ITIH2: variants seen among roughly 807,000 people sequenced by gnomAD.
The protein encoded by ITIH2 is inter-alpha-trypsin inhibitor heavy chain H2.
ITIH2 carries 103 observed loss-of-function variants against 104.4 expected under a neutral mutation model. The ratio of observed to expected loss-of-function variants is 0.99; its 90% CI spans 0.84 to 1.16. The LOEUF (loss-of-function observed/expected upper bound fraction) is 1.16. ITIH2 is among the 50% of genes most tolerant of loss of function. The pLI is 0.00. For synonymous variants in ITIH2, 436 were observed against 435.4 expected, an observed-to-expected ratio of 1.00 and a Z score of -0.02; for missense variants, 1,108 against 1,162.4, an observed-to-expected ratio of 0.95 and a Z score of 0.68.
chr10:7,721,721 G>A lies in ITIH2; in HGVS notation c.811G>A (p.Gly271Arg), dbSNP rs1834905349. 2 of 1,614,002 alleles carry A rather than the reference G, an allele frequency of 1.2e-6. No homozygotes were observed. Among genetic ancestry groups the A allele is most frequent in the African/African-American group, 2.7e-5 (2 of 75,038 alleles). Residue 271 changes from glycine to arginine, a missense_variant, in exon 8 of 21, where the codon GGG becomes AGG. By Grantham distance (125) the Gly-to-Arg change is moderately radical. Coordinates refer to ENST00000358415, the MANE Select transcript of ITIH2 (RefSeq NM_002216.3). The stretch of plus-strand genomic sequence containing the variant: ...TAACTGCCGGGAGACTGCGGTAGAT[G>A]GGGAACTGGTGGTGCTGTATGACGT... ...CPNCRETAVD[G>R]ELVVLYDVKR... is the part of the protein sequence containing the mutation.
At chr10:7,705,002 A>C in intron 1 of ITIH2, 106 bp from the exon 2 acceptor site, 1 of 683,288 alleles carries the variant, frequency 1.5e-6, no homozygotes, top group Admixed American at 2.6e-5. Context: ...GCAAACCAAC[A>C]TGGCACATGT....
chr10:7,725,408 A>G (rs1449896788), intron 9 of ITIH2, among the ~76,000 whole-genome samples: 1 of 152,220 alleles, frequency 6.6e-6, no homozygotes, highest in East Asian at 1.9e-4. Context: ...GAGAGATGCC[A>G]GTAGAGAGGG....
chr10:7,724,881 G>A (rs144310465), intron 9 of ITIH2, among the ~76,000 whole-genome samples: 1 of 152,224 alleles, frequency 6.6e-6, no homozygotes, highest in East Asian at 1.9e-4. Context: ...ATTGCCTCTG[G>A]TTGAGAAACA....
chr10:7,717,483 C>T (rs1212825226), intron 5 of ITIH2, 143 bp from the exon 6 acceptor site: 1 of 676,056 alleles, frequency 1.5e-6, no homozygotes, highest in Non-Finnish European at 2.6e-6. Context: ...CTGCACTTAT[C>T]TCTAGTGTAC....
Position 7,730,099 on chromosome 10 carries a change from T to G in ITIH2, c.1427T>G (p.Ile476Ser), listed in dbSNP as rs770195305. Reference protein sequence around the residue: ...SNENHGIAQRIYGNQDTSSQL... With the variant: ...SNENHGIAQRSYGNQDTSSQL... Reference sequence around the variant, plus strand: ...GAAAACCATGGAATTGCACAAAGGATTTATGGAAACCAGGACACGTCTTCC... The same window carrying G: ...GAAAACCATGGAATTGCACAAAGGAGTTATGGAAACCAGGACACGTCTTCC... Residue 476 changes from isoleucine to serine, a missense_variant, in exon 12 of 21, where the codon ATT becomes AGT. Ile to Ser is a moderately radical substitution (Grantham distance 142). Coordinates refer to ENST00000358415, the MANE Select transcript of ITIH2 (RefSeq NM_002216.3). 1.2e-6 allele frequency: 2 copies of G among 1,608,416 alleles called. No homozygotes were observed. Among genetic ancestry groups the G allele is most frequent in the South Asian group, 1.1e-5 (1 of 89,202 alleles).
chr10:7,745,044 G>C (rs1387273981), intron 19 of ITIH2, 81 bp downstream of exon 19: 2 of 1,275,304 alleles, frequency 1.6e-6, no homozygotes, highest in Non-Finnish European at 1.1e-6. Context: ...GTTACAAGTT[G>C]AGGACATGGC....
chr10:7,740,308 G>A (rs952341229), intron 16 of ITIH2, among the ~76,000 whole-genome samples: 1 of 152,156 alleles, frequency 6.6e-6, no homozygotes, highest in East Asian at 1.9e-4. Flanking sequence ...CTCCATTGCT[G>A]GTAGCACTTT....
chr10:7,740,446 C>T (rs1005952420), intron 16 of ITIH2, among the ~76,000 whole-genome samples: 11 of 152,174 alleles, frequency 7.2e-5, no homozygotes, highest in Admixed American at 3.3e-4. Flanking sequence ...GTTGATCATG[C>T]TGGAGGAGCA....
rs1268479485 is a variant in ITIH2, at chr10:7,737,455, A to G, written c.1958-1166A>G. Among the ~76,000 whole-genome samples the G allele has an allele frequency of 3.6e-5, 5 of 138,448 alleles. No individual in the cohort carries two copies. The Admixed American group carries it at 3.8e-4, about 11-fold the overall frequency. 90.8% of individuals were successfully genotyped at this position (138,448 alleles called of 152,430 possible). On this transcript the variant is annotated intron_variant, in intron 15 of 20. Coordinates refer to ENST00000358415, the MANE Select transcript of ITIH2 (RefSeq NM_002216.3). ...CGTGTATATATATATATAACAGATA[A>G]CGTATAATTATAATTATATTATCTG...
In ITIH2 at chr10:7,723,539, G is replaced by A. The variant is rs748567974; in HGVS notation, c.956G>A (p.Gly319Asp). 3.1e-6 allele frequency: 5 copies of A among 1,613,160 alleles called. No homozygotes were observed. The East Asian group carries it at 1.1e-4, about 36-fold the overall frequency. Residue 319 changes from glycine to aspartate, a missense_variant, in exon 9 of 21, where the codon GGC becomes GAC. Gly to Asp is a moderately conservative substitution (Grantham distance 94, BLOSUM62 -1). Transcript: ENST00000358415. Reference sequence around the variant, plus strand: ...ATCCTCTTTGTCATCGATGTGAGTGGCTCCATGTGGGGAGTTAAAATGAAA... The same window carrying A: ...ATCCTCTTTGTCATCGATGTGAGTGACTCCATGTGGGGAGTTAAAATGAAA... ...KNILFVIDVSGSMWGVKMKQT... is the reference protein window; with the variant it reads ...KNILFVIDVSDSMWGVKMKQT...
At chr10:7,738,489 T>C (rs2130961934) in intron 15 of ITIH2, 132 bp from the exon 16 acceptor site, 1 of 977,288 alleles carries the variant, frequency 1.0e-6, no homozygotes, top group East Asian at 2.5e-5. Context: ...GAGAGAACTC[T>C]GGAATAAAAA....
intron 2 of ITIH2, 30 bp from the exon 3 acceptor site, chr10:7,707,171 G>A (rs1289366300): frequency 1.9e-6 from 3 of 1,567,828 alleles, no homozygotes; most frequent in Non-Finnish European, 2.6e-6. Flanking sequence ...ACATACAGTT[G>A]AAGAATGATT....
intron 15 of ITIH2, among the ~76,000 whole-genome samples, chr10:7,737,683 ATATT>A (rs1564305654): frequency 0.042 from 1,027 of 24,704 alleles, 150 homozygotes; most frequent in Non-Finnish European, 0.058. Flanking sequence ...TATATTTTCT[ATATT>A]ATATTCTATA....
rs1029819205 is a variant in ITIH2, at chr10:7,709,013, C to T, written c.193-9C>T. On this transcript the variant is annotated splice_polypyrimidine_tract_variant and intron_variant, in intron 3 of 20. Coordinates refer to ENST00000358415, the MANE Select transcript of ITIH2 (RefSeq NM_002216.3). ...TATCAGTACAGTTATGCTTTCTTGC[C>T]AATTTCAGGAAGAGGTTGATCAAGT... 6 of 1,612,118 alleles carry T rather than the reference C, an allele frequency of 3.7e-6. No homozygotes were observed. In the African/African-American group the frequency reaches 8.0e-5, roughly 22 times the overall value.
At chr10:7,705,821 G>T (rs145278686) in intron 2 of ITIH2, among the ~76,000 whole-genome samples, 1 of 151,830 alleles carries the variant, frequency 6.6e-6, no homozygotes, top group Non-Finnish European at 1.5e-5. Context: ...TTATTTTAGC[G>T]ATGACAGACA....
intron 7 of ITIH2, 25 bp from the exon 8 acceptor site, chr10:7,721,624 G>A: frequency 6.2e-7 from 1 of 1,609,124 alleles, no homozygotes; most frequent in Non-Finnish European, 8.5e-7. Context: ...AGAGGCAGAG[G>A]CTCTGATGTC....
intron 20 of ITIH2, among the ~76,000 whole-genome samples, chr10:7,748,399 A>C (rs1564309265): frequency 6.7e-6 from 1 of 149,632 alleles, no homozygotes; most frequent in Non-Finnish European, 1.5e-5. Flanking sequence ...AGTGTGAACG[A>C]GATCCTTAAC....
intron 11 of ITIH2, among the ~76,000 whole-genome samples, chr10:7,729,498 GCATACATACA>G (rs1248560741): frequency 6.6e-6 from 1 of 151,820 alleles, no homozygotes; most frequent in Non-Finnish European, 1.5e-5. Context: ...ATGTGTATAT[GCATACATACA>G]CATACATACA....
intron 16 of ITIH2, 152 bp from the exon 17 acceptor site, chr10:7,742,994 G>T: frequency 1.8e-6 from 1 of 569,806 alleles, no homozygotes; most frequent in Non-Finnish European, 3.1e-6. Context: ...ATGAACCACT[G>T]GGTCCCCAAG....
Sources: allele counts gnomAD v4.1 joint callset (sites outside exome capture counted in the v4.1 genomes callset), GRCh38; gene constraint gnomAD v4.1.1; transcripts MANE v1.5; gene names NCBI Gene and HGNC (gene_info 2026-07-23, HGNC 2026-07-21).